Variants in DNAH7 observed in about 807,000 individuals in gnomAD.
DNAH7 encodes axonemal beta dynein heavy chain 7.
Under a neutral mutation model 444.6 loss-of-function variants are expected in DNAH7, and 397 were observed. The observed-to-expected ratio is 0.89, with a 90% CI of 0.82 to 0.97. DNAH7 has a LOEUF of 0.97. DNAH7 is among the 50% of genes least tolerant of loss of function. DNAH7 has a pLI of 0.00. For synonymous variants in DNAH7, 1,636 were observed against 1,624.4 expected (o/e 1.01, Z -0.17); for missense variants, 4,902 against 4,800.8 (o/e 1.02, Z -0.62).
In DNAH7 at chr2:195,900,388, A is replaced by C. The variant is rs763286628; in HGVS notation, c.4442T>G (p.Ile1481Ser). 1.9e-6 allele frequency: 3 copies of C among 1,614,018 alleles called. No individual in the cohort carries two copies. The South Asian group carries it at 3.3e-5, about 18-fold the overall frequency. The change falls in exon 28 of 65, where the codon ATT (isoleucine) becomes AGT (serine). Residue 1481 changes from isoleucine to serine, a missense_variant. Transcript: ENST00000312428. ...FVTARPLSVK[I>S]VATYRLCSEQ... ...TGAACACAAGCGATACGTAGCCACA[A>C]TTTTTACAGACAGTGGTCGAGCAGT...
At chr2:195,745,876 T>A (rs1240955986) in intron 63 of DNAH7, among the ~76,000 whole-genome samples, 1 of 152,118 alleles carries the variant, frequency 6.6e-6, no homozygotes, top group Non-Finnish European at 1.5e-5. Context: ...GAACAACCGG[T>A]ACCAGCCACT....
At chr2:195,956,029 A>ATT (rs1277155128) in intron 19 of DNAH7, among the ~76,000 whole-genome samples, 1 of 152,164 alleles carries the variant, frequency 6.6e-6, no homozygotes, top group Non-Finnish European at 1.5e-5. Flanking sequence ...TGTTTCAGGT[A>ATT]TTATTACATA....
At chr2:195,738,295 ACT>A (rs1559059856) in intron 64 of DNAH7, among the ~76,000 whole-genome samples, 168 bp from the exon 65 acceptor site, 1 of 152,022 alleles carries the variant, frequency 6.6e-6, no homozygotes, top group African/African-American at 2.4e-5. Flanking sequence ...ATTTTATAGA[ACT>A]CTCATAACTG....
intron 19 of DNAH7, among the ~76,000 whole-genome samples, chr2:195,956,137 T>A (rs1168267130): frequency 1.3e-5 from 2 of 152,172 alleles, no homozygotes; most frequent in Admixed American, 1.3e-4. Flanking sequence ...TATCAATATT[T>A]CGGATTATAG....
chr2:196,026,964 TGTAGATGTTTAA>T, intron 6 of DNAH7, 24 bp from the exon 7 acceptor site: 1 of 1,525,160 alleles, frequency 6.6e-7, no homozygotes, highest in Non-Finnish European at 8.9e-7. Flanking sequence ...ATAGGAAAAA[TGTAGATGTTTAA>T]CAAAAGAAGT....
chr2:196,022,863 T>C (rs74264922), intron 8 of DNAH7, among the ~76,000 whole-genome samples: 1 of 152,232 alleles, frequency 6.6e-6, no homozygotes, highest in Non-Finnish European at 1.5e-5. Flanking sequence ...ATAGTAGATA[T>C]AGCCTTTCAA....
At chr2:195,907,040 C>T (rs1687070274) in intron 25 of DNAH7, 31 bp from the exon 26 acceptor site, 1 of 1,551,100 alleles carries the variant, frequency 6.4e-7, no homozygotes, top group East Asian at 2.3e-5. Flanking sequence ...AAATTTTTGA[C>T]TTTATCTGAT....
At chr2:195,828,691 CT>C (rs1193057353) in intron 48 of DNAH7, among the ~76,000 whole-genome samples, 1 of 143,088 alleles carries the variant, frequency 7.0e-6, no homozygotes, top group Non-Finnish European at 1.5e-5. Context: ...TAGCATTTGT[CT>C]TTTTTTCTTT....
At chr2:196,014,337 G>A (rs1694888315) in intron 9 of DNAH7, among the ~76,000 whole-genome samples, 1 of 152,070 alleles carries the variant, frequency 6.6e-6, no homozygotes, top group African/African-American at 2.4e-5. Flanking sequence ...ATGATGATGA[G>A]TCTTCTAATC....
rs1417712376 is a variant in DNAH7, at chr2:195,960,321, T to C, written c.2830A>G (p.Ile944Val). Residue 944 changes from isoleucine to valine, a missense_variant, in exon 18 of 65, where the codon ATT becomes GTT. Coordinates refer to ENST00000312428, the MANE Select transcript of DNAH7 (RefSeq NM_018897.3). Reference protein sequence around the residue: ...DEIQMLLDDHIIKTQTMRGSP... With the variant: ...DEIQMLLDDHVIKTQTMRGSP... The stretch of plus-strand genomic sequence containing the variant: ...CCTCGCATAGTTTGTGTTTTAATAA[T>C]ATGGTCATCCAACAACATCTGAATT... The C allele has an allele frequency of 6.2e-7, 1 of 1,613,788 alleles. No individual in the cohort carries two copies. The highest frequency in any genetic ancestry group is 8.5e-7 in the Non-Finnish European group (1 of 1,180,010).
chr2:195,873,666 T>A lies in DNAH7; in HGVS notation c.6315A>T (p.Arg2105=), dbSNP rs1700853169. ...PGGGRNPVTP[R]YMRHFNIITI... Reference sequence around the variant, plus strand: ...TTATAATATTGAAATGTCGCATGTATCGAGGAGTTACTGGATTTCGACCAC... The same window carrying A: ...TTATAATATTGAAATGTCGCATGTAACGAGGAGTTACTGGATTTCGACCAC... The change falls in exon 39 of 65, where the codon CGA becomes CGT. Residue 2105 remains arginine (R), a synonymous_variant. Coordinates refer to ENST00000312428, the MANE Select transcript of DNAH7 (RefSeq NM_018897.3). The A allele has an allele frequency of 6.5e-7, 1 of 1,535,380 alleles. No homozygotes were observed. Among genetic ancestry groups the A allele is most frequent in the Non-Finnish European group, 8.7e-7 (1 of 1,148,512 alleles).
intron 12 of DNAH7, among the ~76,000 whole-genome samples, chr2:195,990,940 T>C (rs2125648589): frequency 6.9e-6 from 1 of 145,648 alleles, no homozygotes; most frequent in East Asian, 2.0e-4. Flanking sequence ...TACTTAAATA[T>C]ATATACATAT....
rs1019532119 is a variant in DNAH7, at chr2:195,771,894, T to C, written c.11203-4A>G. Reference sequence around the variant, plus strand: ...CACCAGCACCTGCTGAACGAGACTATGAAGAATCCAAACTATAACTCAAAA... The same window carrying C: ...CACCAGCACCTGCTGAACGAGACTACGAAGAATCCAAACTATAACTCAAAA... On this transcript the variant is annotated splice_polypyrimidine_tract_variant and splice_region_variant and intron_variant, in intron 60 of 64. Coordinates refer to ENST00000312428, the MANE Select transcript of DNAH7 (RefSeq NM_018897.3). The C allele has an allele frequency of 6.2e-7, 1 of 1,613,252 alleles. No individual in the cohort carries two copies. Among genetic ancestry groups the C allele is most frequent in the African/African-American group, 1.3e-5 (1 of 74,896 alleles).
chr2:196,012,205 T>A (rs60669226), intron 10 of DNAH7, among the ~76,000 whole-genome samples: 2 of 152,120 alleles, frequency 1.3e-5, no homozygotes, highest in South Asian at 2.1e-4. Flanking sequence ...TAATGACCCA[T>A]GAGAGAAACA....
intron 9 of DNAH7, among the ~76,000 whole-genome samples, chr2:196,013,939 C>T (rs1333586342): frequency 6.6e-6 from 1 of 152,190 alleles, no homozygotes; most frequent in East Asian, 1.9e-4. Flanking sequence ...AGGGCACAAG[C>T]TCTGGAATTC....
At chr2:195,798,727 T>C (rs1254616393) in intron 55 of DNAH7, among the ~76,000 whole-genome samples, 2 of 151,844 alleles carry the variant, frequency 1.3e-5, no homozygotes, top group East Asian at 3.9e-4. Context: ...TTTGTATTTT[T>C]AGTAGAGACG....
chr2:195,817,548 T>C (rs1401705518), intron 50 of DNAH7, 148 bp downstream of exon 50: 2 of 814,512 alleles, frequency 2.5e-6, no homozygotes, highest in South Asian at 3.1e-5. Flanking sequence ...TAAATTGACA[T>C]AGAGGTATAA....
chr2:195,972,336 C>A lies in DNAH7; in HGVS notation c.1964G>T (p.Ser655Ile), dbSNP rs1310405051. ...FSPADMRLNNSVFQWYGRMGE... is the reference protein window; with the variant it reads ...FSPADMRLNNIVFQWYGRMGE... Reference sequence around the variant, plus strand: ...CATCCTTCCATACCACTGGAAAACACTATTATTTAGCCTCATGTCTGCTGG... The same window carrying A: ...CATCCTTCCATACCACTGGAAAACAATATTATTTAGCCTCATGTCTGCTGG... Residue 655 changes from serine (S) to isoleucine (I), a missense_variant, in exon 16 of 65, where the codon AGT (serine) becomes ATT (isoleucine). By Grantham distance (142) the Ser-to-Ile change is moderately radical. Transcript: ENST00000312428. 6.2e-7 allele frequency: 1 copy of A among 1,613,940 alleles called. No individual in the cohort carries two copies. Among genetic ancestry groups the A allele is most frequent in the Non-Finnish European group, 8.5e-7 (1 of 1,180,002 alleles).
chr2:195,780,009 TTTA>T (rs1695297200), intron 58 of DNAH7, among the ~76,000 whole-genome samples: 2 of 152,302 alleles, frequency 1.3e-5, no homozygotes, highest in South Asian at 2.1e-4. Context: ...TAAAAAGTAT[TTTA>T]TTATGTTCTT....
Sources: gnomAD v4.1 joint callset for allele counts (sites outside exome capture counted in the v4.1 genomes callset) on GRCh38, gnomAD v4.1.1 for gene constraint, MANE v1.5 for transcripts, NCBI Gene and HGNC (gene_info 2026-07-23, HGNC 2026-07-21) for gene names.